CSMD1: variants seen among roughly 807,000 people sequenced by gnomAD.
CSMD1 encodes the protein CUB and sushi domain-containing protein 1.
CSMD1 carries 213 observed loss-of-function variants against 417.5 expected under a neutral mutation model. That is an observed-to-expected ratio of 0.51 (90% CI 0.46 to 0.57). The LOEUF is 0.57. Ranked by LOEUF, CSMD1 falls within the 20% of genes least tolerant of loss-of-function variation. The pLI is 0.00. For missense variants in CSMD1, 6,923 were observed against 4,529.7 expected, an observed-to-expected ratio of 1.53 and a Z score of -15.17; for synonymous variants, 2,862 against 1,736.8, an observed-to-expected ratio of 1.65 and a Z score of -16.11.
chr8:3,675,915 T>C (rs1799350139), intron 7 of CSMD1, among the ~76,000 whole-genome samples: 1 of 152,172 alleles, frequency 6.6e-6, no homozygotes, highest in Admixed American at 6.5e-5. Flanking sequence ...CTCAGCACTG[T>C]CCCATCATTG....
intron 1 of CSMD1, among the ~76,000 whole-genome samples, chr8:4,666,437 G>A (rs1235072751): frequency 6.6e-6 from 1 of 152,088 alleles, no homozygotes; most frequent in Non-Finnish European, 1.5e-5. Flanking sequence ...AAACAGCACA[G>A]GAGACAAGCA....
At chr8:4,747,871 G>A (rs554402643) in intron 1 of CSMD1, among the ~76,000 whole-genome samples, 6 of 152,256 alleles carry the variant, frequency 3.9e-5, no homozygotes, top group South Asian at 4.2e-4. Flanking sequence ...GTCATAACAC[G>A]CACCAGGATA....
chr8:3,702,390 G>C (rs1800920161), intron 7 of CSMD1: 1 of 152,150 alleles, frequency 6.6e-6, no homozygotes, highest in Non-Finnish European at 1.5e-5. Context: ...TTTCTTCCTA[G>C]AGATGTATAT....
chr8:4,023,535 A>G (rs919518056), intron 4 of CSMD1, among the ~76,000 whole-genome samples: 3 of 151,738 alleles, frequency 2.0e-5, no homozygotes, highest in Non-Finnish European at 2.9e-5. Flanking sequence ...CTCTGTGCTG[A>G]GCAATATTCA....
intron 4 of CSMD1, among the ~76,000 whole-genome samples, chr8:4,020,039 G>A (rs919165408): frequency 3.3e-5 from 5 of 151,700 alleles, no homozygotes; most frequent in Admixed American, 6.6e-5. Context: ...ATCTAAAATC[G>A]TGCTTAAGAG....
At chr8:3,707,310 T>C (rs1801225298) in intron 7 of CSMD1, among the ~76,000 whole-genome samples, 1 of 151,900 alleles carries the variant, frequency 6.6e-6, no homozygotes, top group African/African-American at 2.4e-5. Context: ...GTAAACAGAA[T>C]TGACCCGAGA....
intron 3 of CSMD1, among the ~76,000 whole-genome samples, chr8:4,346,832 G>T (rs1035046343): frequency 6.6e-6 from 1 of 152,202 alleles, no homozygotes; most frequent in Non-Finnish European, 1.5e-5. Context: ...CAAGGGGATT[G>T]AGACTGAGGG....
chr8:4,131,207 G>A (rs141654778), intron 3 of CSMD1, among the ~76,000 whole-genome samples: 140 of 152,222 alleles, frequency 9.2e-4, no homozygotes, highest in Non-Finnish European at 1.4e-3. Context: ...AAATAGAGAC[G>A]CCATTTCTAT....
intron 6 of CSMD1, among the ~76,000 whole-genome samples, chr8:3,752,897 T>G (rs1445626725): frequency 6.6e-6 from 1 of 152,190 alleles, no homozygotes; most frequent in Non-Finnish European, 1.5e-5. Context: ...GATGAAAGCA[T>G]TATGGATTTT....
At chr8:3,266,143 C>T (rs1441457281) in intron 26 of CSMD1, among the ~76,000 whole-genome samples, 1 of 150,916 alleles carries the variant, frequency 6.6e-6, no homozygotes, top group Non-Finnish European at 1.5e-5. Flanking sequence ...GACCTGATGT[C>T]CTGAGACCAA....
At chr8:3,321,557 C>T (rs115932866) in intron 23 of CSMD1, among the ~76,000 whole-genome samples, 1 of 152,160 alleles carries the variant, frequency 6.6e-6, no homozygotes, top group African/African-American at 2.4e-5. Flanking sequence ...TAGAAATGAA[C>T]CTCCCTGAAC....
chr8:4,241,077 A>T (rs1462370187), intron 3 of CSMD1, among the ~76,000 whole-genome samples: 1 of 152,132 alleles, frequency 6.6e-6, no homozygotes, highest in African/African-American at 2.4e-5. Flanking sequence ...TGATCGCTGA[A>T]TTACTTATCC....
intron 3 of CSMD1, among the ~76,000 whole-genome samples, chr8:4,356,050 C>G (rs948817081): frequency 6.6e-6 from 1 of 152,152 alleles, no homozygotes; most frequent in East Asian, 1.9e-4. Context: ...CTGGTGCACT[C>G]ATCACCTGAG....
chr8:3,876,803 G>A (rs532667058), intron 5 of CSMD1, among the ~76,000 whole-genome samples: 1 of 152,134 alleles, frequency 6.6e-6, no homozygotes, highest in Non-Finnish European at 1.5e-5. Context: ...GTAGAAACGA[G>A]GTTTCACCAT....
rs765779799 is a variant in CSMD1, at chr8:3,367,085, C to T, written c.3062G>A (p.Arg1021Gln). ...CGAAATTGAGAAGTCTGATATAAAC[C>T]GAAGCTGGGCAGTGAAGTTTCCAAA... The part of the protein sequence containing the change: ...GLFGNFTAQL[R>Q]FISDFSISYE... The change falls in exon 20 of 70, where the codon CGG (arginine) becomes CAG (glutamine). Residue 1021 changes from arginine (R) to glutamine (Q), a missense_variant. Arg to Gln is a conservative substitution (Grantham distance 43). Transcript: ENST00000635120. The T allele has an allele frequency of 6.2e-6, 10 of 1,613,618 alleles. No homozygotes were observed. The highest frequency in any genetic ancestry group is 3.3e-5 in the South Asian group (3 of 91,012).
chr8:4,607,560 A>G (rs1202564308), intron 2 of CSMD1, among the ~76,000 whole-genome samples: 1 of 152,134 alleles, frequency 6.6e-6, no homozygotes, highest in Non-Finnish European at 1.5e-5. Context: ...TTCAACAAGG[A>G]CCTCATTAAA....
chr8:4,745,561 G>C (rs1333862639), intron 1 of CSMD1, among the ~76,000 whole-genome samples: 1 of 152,020 alleles, frequency 6.6e-6, no homozygotes, highest in Non-Finnish European at 1.5e-5. Context: ...TTCACTTATT[G>C]AAATGTAGCA....
rs536058671 is a variant in CSMD1, at chr8:4,344,951, C to T, written c.415+75002G>A. On this transcript the variant is annotated intron_variant, in intron 3 of 69. Coordinates refer to ENST00000635120, the MANE Select transcript of CSMD1 (RefSeq NM_033225.6). ...GTCAGCTGGTCTCTGTTCCAATGTG[C>T]AAAGATTAAGGAATTTTCGGACTGA... 6.6e-5 allele frequency among the ~76,000 whole-genome samples: 10 copies of T among 152,162 alleles called. No individual in the cohort carries two copies. In the South Asian group the frequency reaches 2.1e-3, roughly 32 times the overall value.
At chr8:4,257,597 T>C (rs1006957638) in intron 3 of CSMD1, among the ~76,000 whole-genome samples, 1 of 152,228 alleles carries the variant, frequency 6.6e-6, no homozygotes, top group South Asian at 2.1e-4. Context: ...CCCTGCGGGA[T>C]AGGAAAATTT....
Sources: allele counts gnomAD v4.1 joint callset (sites outside exome capture counted in the v4.1 genomes callset), GRCh38; gene constraint gnomAD v4.1.1; transcripts MANE v1.5; gene names NCBI Gene and HGNC (gene_info 2026-07-23, HGNC 2026-07-21).